ETV6: variants seen among roughly 807,000 people sequenced by gnomAD.
ETV6 encodes ETS variant transcription factor 6.
ETV6 carries 16 observed loss-of-function variants against 51.1 expected under a neutral mutation model. The observed-to-expected ratio is 0.31, with a 90% confidence interval of 0.21 to 0.48. The LOEUF (loss-of-function observed/expected upper bound fraction) is 0.48, where lower values mean the gene tolerates loss of function less well. Ranked by LOEUF, ETV6 falls within the 20% of genes least tolerant of loss-of-function variation. The pLI, the probability that ETV6 is intolerant of heterozygous loss-of-function variation, is 0.99. For missense variants in ETV6, 458 were observed against 594.8 expected (o/e 0.77, Z 2.39); for synonymous variants, 240 against 224.1 (o/e 1.07, Z -0.64).
chr12:11,820,856 T>G lies in ETV6; in HGVS notation c.164-18284T>G, dbSNP rs1946068905. 1.3e-5 allele frequency among the ~76,000 whole-genome samples: 2 copies of G among 152,070 alleles called. 1 individual carries two copies. Among genetic ancestry groups the G allele is most frequent in the South Asian group, 4.2e-4 (2 of 4,816 alleles). On this transcript the variant is annotated intron_variant, in intron 2 of 7. Coordinates refer to ENST00000396373, the MANE Select transcript of ETV6 (RefSeq NM_001987.5). ...AAACAGAGGAGTGATGTGATTTGAA[T>G]CAATCTCTGGCAGGTCTGTTGAGGA...
At chr12:11,687,255 G>T (rs205529) in intron 1 of ETV6, among the ~76,000 whole-genome samples, 1 of 140,542 alleles carries the variant, frequency 7.1e-6, no homozygotes, top group East Asian at 2.1e-4. Context: ...CCGGCTCCCC[G>T]CTCCCCACGC....
intron 1 of ETV6, among the ~76,000 whole-genome samples, chr12:11,691,652 T>C (rs1374196612): frequency 6.6e-6 from 1 of 152,256 alleles, no homozygotes; most frequent in Non-Finnish European, 1.5e-5. Context: ...AGCATTCATG[T>C]GTATTGCTAT....
rs116401181 is a variant in ETV6, at chr12:11,814,267, C to T, written c.164-24873C>T. On this transcript the variant is annotated intron_variant, in intron 2 of 7. Coordinates refer to ENST00000396373, the MANE Select transcript of ETV6 (RefSeq NM_001987.5). ...TATTCAGATCTTGTTTTAGAAAGTC[C>T]AAGTGTACATCCACCATAATTTTCG... is the stretch of plus-strand genomic sequence containing the variant. Among the ~76,000 whole-genome samples the T allele has an allele frequency of 6.9e-3, 1,044 of 152,170 alleles. 16 individuals carry two copies. The highest frequency in any genetic ancestry group is 0.024 in the African/African-American group (984 of 41,516).
At chr12:11,755,137 C>T (rs2121080569) in intron 2 of ETV6, among the ~76,000 whole-genome samples, 1 of 152,276 alleles carries the variant, frequency 6.6e-6, no homozygotes, top group African/African-American at 2.4e-5. Flanking sequence ...CCAGTGTTCA[C>T]TGGTGTGGCC....
chr12:11,794,894 C>T (rs1945654345), intron 2 of ETV6, among the ~76,000 whole-genome samples: 1 of 152,186 alleles, frequency 6.6e-6, no homozygotes, highest in African/African-American at 2.4e-5. Flanking sequence ...GAACCATGTC[C>T]TCTACTTCCG....
rs1945763958 is a variant in ETV6, at chr12:11,802,382, A to G, written c.164-36758A>G. Among the ~76,000 whole-genome samples the G allele has an allele frequency of 1.3e-5, 2 of 152,250 alleles. 1 individual carries two copies. The highest frequency in any genetic ancestry group is 4.1e-4 in the South Asian group (2 of 4,832). On this transcript the variant is annotated intron_variant, in intron 2 of 7. Coordinates refer to ENST00000396373, the MANE Select transcript of ETV6 (RefSeq NM_001987.5). ...GTACCTGCAGCGACATACTAGCTGGATGCATTAATAGGGCTTTGGAAACCA... is the reference window on the plus strand; with the variant it reads ...GTACCTGCAGCGACATACTAGCTGGGTGCATTAATAGGGCTTTGGAAACCA...
In ETV6 at chr12:11,670,148, G is replaced by C. The variant is rs7301024; in HGVS notation, c.33+19988G>C. ...ATTCTTGTAATTAGAGATTATATCAGTTTTCATGGCCAAAATTTGCCACGT... is the reference window on the plus strand; with the variant it reads ...ATTCTTGTAATTAGAGATTATATCACTTTTCATGGCCAAAATTTGCCACGT... On this transcript the variant is annotated intron_variant, in intron 1 of 7. Coordinates refer to ENST00000396373, the MANE Select transcript of ETV6 (RefSeq NM_001987.5). Among the ~76,000 whole-genome samples, 156 of 152,198 alleles carry C rather than the reference G, an allele frequency of 1.0e-3. 1 individual carries two copies. The highest frequency in any genetic ancestry group is 1.8e-3 in the Non-Finnish European group (122 of 68,020).
intron 1 of ETV6, among the ~76,000 whole-genome samples, chr12:11,696,489 A>G (rs762337672): frequency 4.6e-5 from 7 of 152,196 alleles, no homozygotes; most frequent in African/African-American, 9.7e-5. Context: ...CATCTAAAGT[A>G]CCAATAACCC....
At chr12:11,854,877 G>A (rs947146947) in intron 4 of ETV6, among the ~76,000 whole-genome samples, 9 of 152,270 alleles carry the variant, frequency 5.9e-5, no homozygotes, top group Admixed American at 3.3e-4. Context: ...ACTCAGTGGC[G>A]GTGTTTATTT....
chr12:11,668,218 G>A (rs1194700961), intron 1 of ETV6, among the ~76,000 whole-genome samples: 2 of 140,906 alleles, frequency 1.4e-5, no homozygotes, highest in Non-Finnish European at 3.1e-5. Flanking sequence ...ACCTGCCTTG[G>A]AGAAAATTTC....
chr12:11,671,129 A>G (rs2724605), intron 1 of ETV6, among the ~76,000 whole-genome samples: 137,367 of 152,000 alleles, frequency 0.9, 63,173 homozygotes, highest in Non-Finnish European at 0.99. Flanking sequence ...TAAGGTTGGC[A>G]GGGCGGGGAA....
intron 4 of ETV6, among the ~76,000 whole-genome samples, chr12:11,867,018 C>G (rs1252975472): frequency 3.3e-5 from 5 of 152,168 alleles, no homozygotes; most frequent in Non-Finnish European, 7.3e-5. Context: ...CAGCATAGGG[C>G]AGTTAGGAGA....
intron 2 of ETV6, among the ~76,000 whole-genome samples, chr12:11,783,681 G>C (rs1945442460): frequency 6.6e-6 from 1 of 152,170 alleles, no homozygotes; most frequent in South Asian, 2.1e-4. Flanking sequence ...AAGAGGCAAA[G>C]TAAAAATGGA....
chr12:11,791,383 T>G (rs1945587725), intron 2 of ETV6, among the ~76,000 whole-genome samples: 1 of 152,220 alleles, frequency 6.6e-6, no homozygotes, highest in African/African-American at 2.4e-5. Flanking sequence ...GCCATAGGGA[T>G]GTTGTCCAAA....
At chr12:11,781,735 T>A (rs1945417242) in intron 2 of ETV6, among the ~76,000 whole-genome samples, 1 of 152,260 alleles carries the variant, frequency 6.6e-6, no homozygotes, top group Non-Finnish European at 1.5e-5. Context: ...CCTTTACATT[T>A]AACCCTATTA....
intron 3 of ETV6, among the ~76,000 whole-genome samples, chr12:11,845,849 G>A (rs542027255): frequency 5.9e-4 from 89 of 152,100 alleles, no homozygotes; most frequent in Non-Finnish European, 9.7e-4. Context: ...AAAATCAGCC[G>A]GGCGTGGTGG....
chr12:11,838,321 T>C (rs1203487493), intron 2 of ETV6, among the ~76,000 whole-genome samples: 1 of 152,214 alleles, frequency 6.6e-6, no homozygotes, highest in East Asian at 1.9e-4. Flanking sequence ...TTCTAACTTA[T>C]CAAAGATTTC....
chr12:11,739,652 T>C (rs973534585), intron 1 of ETV6, among the ~76,000 whole-genome samples: 2 of 152,198 alleles, frequency 1.3e-5, no homozygotes, highest in African/African-American at 4.8e-5. Flanking sequence ...TTCGAAGACT[T>C]AGTATGAAAA....
chr12:11,819,455 G>A (rs1008088224), intron 2 of ETV6, among the ~76,000 whole-genome samples: 7 of 152,202 alleles, frequency 4.6e-5, no homozygotes, highest in African/African-American at 7.2e-5. Context: ...GTGCGATGGG[G>A]ACTTCCAAAT....
Sources: allele counts gnomAD v4.1 joint callset (sites outside exome capture counted in the v4.1 genomes callset), GRCh38; gene constraint gnomAD v4.1.1; transcripts MANE v1.5; gene names NCBI Gene and HGNC (gene_info 2026-07-23, HGNC 2026-07-21).